Variants in PAM observed in about 807,000 individuals in gnomAD.
PAM encodes the protein peptidyl-glycine alpha-amidating monooxygenase.
A neutral mutation model predicts 122.1 loss-of-function variants in PAM; 72 were observed. That is an observed-to-expected ratio of 0.59 (90% CI 0.49 to 0.72). The LOEUF (loss-of-function observed/expected upper bound fraction) is 0.72, where lower values mean the gene tolerates loss of function less well. Among genes scored for constraint, PAM ranks in the 30% least tolerant of loss-of-function variants. PAM has a pLI of 0.00. For missense variants in PAM, 1,106 were observed against 1,183.7 expected, an observed-to-expected ratio of 0.93 and a Z score of 0.96; for synonymous variants, 389 against 404.4, an observed-to-expected ratio of 0.96 and a Z score of 0.46.
At chr5:102,848,093 G>T (rs187388436) in intron 1 of PAM, among the ~76,000 whole-genome samples, 25 of 152,240 alleles carry the variant, frequency 1.6e-4, no homozygotes, top group Non-Finnish European at 2.8e-4. Context: ...CTAAGGAAAA[G>T]AATTCTGTAA....
chr5:103,023,198 A>C (rs1262148151), intron 23 of PAM, among the ~76,000 whole-genome samples: 5 of 152,080 alleles, frequency 3.3e-5, no homozygotes, highest in Admixed American at 6.6e-5. Flanking sequence ...TGTATCATCC[A>C]CAGTTCCTTC....
At chr5:103,001,191 AC>A (rs1777270709) in intron 16 of PAM, among the ~76,000 whole-genome samples, 1 of 152,194 alleles carries the variant, frequency 6.6e-6, no homozygotes, top group Admixed American at 6.5e-5. Flanking sequence ...TGAATCCAGT[AC>A]CTATGTTTTT....
chr5:102,799,043 T>G (rs985607879), intron 1 of PAM, among the ~76,000 whole-genome samples: 1 of 152,192 alleles, frequency 6.6e-6, no homozygotes, highest in African/African-American at 2.4e-5. Flanking sequence ...AGAAAATGTG[T>G]GTGTTTGTTT....
chr5:102,811,575 C>T (rs1197704538), intron 1 of PAM, among the ~76,000 whole-genome samples: 1 of 152,172 alleles, frequency 6.6e-6, no homozygotes. Flanking sequence ...GTCCTTTCGG[C>T]CATGTAAGTT....
intron 1 of PAM, among the ~76,000 whole-genome samples, chr5:102,758,073 GTTTTTTTTTTTTTTTTTTTTTTT>G (rs1168917285): frequency 4.0e-5 from 1 of 24,814 alleles, no homozygotes; most frequent in Non-Finnish European, 9.0e-5. Context: ...TTAGAATTTT[GTTTTTTTTTTTTTTTTTTTTTTT>G]TTTTTTTTTT....
At chr5:102,925,208 G>A (rs189786472) in intron 6 of PAM, among the ~76,000 whole-genome samples, 166 bp downstream of exon 6, 5 of 152,164 alleles carry the variant, frequency 3.3e-5, no homozygotes, top group Non-Finnish European at 7.3e-5. Context: ...GTTTCATTTA[G>A]GTAGTTACTC....
intron 4 of PAM, among the ~76,000 whole-genome samples, chr5:102,903,178 C>T (rs1798520253): frequency 6.6e-6 from 1 of 151,458 alleles, no homozygotes; most frequent in South Asian, 2.1e-4. Context: ...TAACTATTTT[C>T]AGTATTTCTT....
Position 103,014,052 on chromosome 5 carries a change from T to G in PAM, c.2332-3282T>G, listed in dbSNP as rs566889743. 3.9e-5 allele frequency among the ~76,000 whole-genome samples: 6 copies of G among 152,314 alleles called. No individual in the cohort carries two copies. In the South Asian group the frequency reaches 1.2e-3, roughly 32 times the overall value. ...ATCCTTATTGATTATCCAGTCTTCA[T>G]TGTTGTGCCCCTTTGAACTAACTTC... On this transcript the variant is annotated intron_variant, in intron 21 of 25. Coordinates refer to ENST00000438793, the MANE Select transcript of PAM (RefSeq NM_001177306.2).
intron 1 of PAM, among the ~76,000 whole-genome samples, chr5:102,850,758 C>T (rs986063039): frequency 6.6e-6 from 1 of 152,268 alleles, no homozygotes; most frequent in Non-Finnish European, 1.5e-5. Context: ...CTTCAAGCTG[C>T]ACAGCTGTGG....
chr5:102,861,040 T>C (rs1784032999), intron 1 of PAM, among the ~76,000 whole-genome samples: 1 of 152,166 alleles, frequency 6.6e-6, no homozygotes, highest in Non-Finnish European at 1.5e-5. Flanking sequence ...CCAGCTGCCA[T>C]GTTGTGAAGA....
At chr5:103,000,970 A>T (rs1777214987) in intron 16 of PAM, among the ~76,000 whole-genome samples, 1 of 152,326 alleles carries the variant, frequency 6.6e-6, no homozygotes, top group Middle Eastern at 3.4e-3. Flanking sequence ...AAAAATTATT[A>T]AATTATATTC....
rs367981583 is a variant in PAM, at chr5:103,025,915, A to G, written c.2689+581A>G. Among the ~76,000 whole-genome samples the G allele has an allele frequency of 3.3e-5, 5 of 152,344 alleles. No individual in the cohort carries two copies. The South Asian group carries it at 1.0e-3, about 32-fold the overall frequency. ...ACCTAGGAAGTACTCAATACCACCA[A>G]TGGTTATGATGAATAATCATTGGTA... On this transcript the variant is annotated intron_variant, in intron 24 of 25. Transcript: ENST00000438793.
chr5:102,937,279 T>C (rs1186762551), intron 7 of PAM, among the ~76,000 whole-genome samples: 7 of 152,176 alleles, frequency 4.6e-5, no homozygotes, highest in African/African-American at 1.4e-4. Flanking sequence ...AAATAATTTA[T>C]ATTCCTTCAT....
intron 1 of PAM, among the ~76,000 whole-genome samples, chr5:102,787,802 T>A (rs1760952351): frequency 6.6e-6 from 1 of 151,988 alleles, no homozygotes; most frequent in African/African-American, 2.4e-5. Flanking sequence ...CAGGAAATGT[T>A]GGGTATTTCC....
chr5:102,781,918 A>G (rs1387544840), intron 1 of PAM, among the ~76,000 whole-genome samples: 3 of 152,210 alleles, frequency 2.0e-5, no homozygotes, highest in Non-Finnish European at 4.4e-5. Context: ...TCCCTTATGT[A>G]AATGAGGCAT....
chr5:102,997,702 A>G (rs1776156354), intron 16 of PAM, among the ~76,000 whole-genome samples: 1 of 152,218 alleles, frequency 6.6e-6, no homozygotes, highest in Non-Finnish European at 1.5e-5. Flanking sequence ...TAATTTTACT[A>G]TTTGCTGCCA....
At chr5:103,008,465 G>T (rs1582854500) in intron 20 of PAM, among the ~76,000 whole-genome samples, 1 of 152,052 alleles carries the variant, frequency 6.6e-6, no homozygotes, top group South Asian at 2.1e-4. Flanking sequence ...TCACAATGAA[G>T]TGAAATGAGA....
chr5:102,992,736 T>C (rs1049504255), intron 16 of PAM, among the ~76,000 whole-genome samples: 1 of 152,146 alleles, frequency 6.6e-6, no homozygotes, highest in East Asian at 1.9e-4. Context: ...CCATTCTTCT[T>C]GTTACTACTG....
chr5:102,921,884 C>A (rs1337534738), intron 5 of PAM, among the ~76,000 whole-genome samples: 2 of 152,184 alleles, frequency 1.3e-5, no homozygotes, highest in East Asian at 3.9e-4. Flanking sequence ...AGCTGTTTGA[C>A]CTTTGGAAGT....
Sources: gnomAD v4.1 joint callset for allele counts (sites outside exome capture counted in the v4.1 genomes callset) on GRCh38, gnomAD v4.1.1 for gene constraint, MANE v1.5 for transcripts, NCBI Gene and HGNC (gene_info 2026-07-23, HGNC 2026-07-21) for gene names.